Variants in UBE2Z observed in about 807,000 individuals in gnomAD.
UBE2Z encodes ubiquitin-conjugating enzyme E2 Z.
Under a neutral mutation model 32.6 loss-of-function variants are expected in UBE2Z, and 10 were observed. That is an observed-to-expected ratio of 0.31 (90% CI 0.19 to 0.52). The LOEUF (loss-of-function observed/expected upper bound fraction) is 0.52. Ranked by LOEUF, UBE2Z falls within the 20% of genes least tolerant of loss-of-function variation. UBE2Z has a pLI of 0.97. For synonymous variants in UBE2Z, 183 were observed against 190.8 expected, an observed-to-expected ratio of 0.96 and a Z score of 0.34; for missense variants, 343 against 480.9, an observed-to-expected ratio of 0.71 and a Z score of 2.68.
intron 1 of UBE2Z, among the ~76,000 whole-genome samples, chr17:48,909,926 A>T (rs1361725942): frequency 6.6e-6 from 1 of 152,178 alleles, no homozygotes; most frequent in Non-Finnish European, 1.5e-5. Flanking sequence ...CAGGAGGTCA[A>T]CTGTGGAGGG....
chr17:48,921,767 G>A (rs965503314), intron 5 of UBE2Z, among the ~76,000 whole-genome samples: 2 of 152,156 alleles, frequency 1.3e-5, no homozygotes, highest in East Asian at 1.9e-4. Flanking sequence ...GGTGGCTCAC[G>A]CCTGTAATCC....
chr17:48,923,055 C>A (rs1253286144), intron 6 of UBE2Z, 118 bp downstream of exon 6: 3 of 917,690 alleles, frequency 3.3e-6, no homozygotes, highest in Admixed American at 2.5e-5. Flanking sequence ...GGTTCAGTGG[C>A]TCATGCCTGT....
Position 48,908,441 on chromosome 17 carries a change from C to G in UBE2Z, c.-63C>G. ...CGGTTCTCGGTGGTGCGGGAGCGGG[C>G]GGGAGCAGCGGCCGCTCTGGTCGGC... is the stretch of plus-strand genomic sequence containing the variant. On this transcript the variant is annotated 5_prime_UTR_variant, in exon 1 of 7. Transcript: ENST00000360943. 8.3e-7 allele frequency: 1 copy of G among 1,204,746 alleles called. No individual in the cohort carries two copies. The highest frequency in any genetic ancestry group is 1.0e-6 in the Non-Finnish European group (1 of 966,584). The allele number at this position is 1,204,746 out of a possible 1,614,324, so 74.6% of individuals were successfully genotyped here. A position where few individuals can be genotyped will look rare whatever the true frequency, so the allele number is the denominator to read the frequency against.
At position 48,921,249 on chromosome 17, in the gene UBE2Z, G is replaced by A. The variant is rs772160344; in HGVS notation, c.780G>A (p.Lys260=). 1.9e-6 allele frequency: 3 copies of A among 1,612,498 alleles called. No homozygotes were observed. In the Admixed American group the frequency reaches 5.0e-5, roughly 27 times the overall value. ...RVAVCDMMEG[K]CPCPEPLRGV... ...CAGTCTGTGACATGATGGAAGGAAA[G>A]TGTCCCTGTCCTGAACCCCTACGGT... Residue 260 remains lysine (K), a synonymous_variant, in exon 5 of 7, where the codon AAG becomes AAA. Coordinates refer to ENST00000360943, the MANE Select transcript of UBE2Z (RefSeq NM_023079.5).
rs978106248 is a variant in UBE2Z at position 48,908,543 on chromosome 17, G to C, written c.40G>C (p.Ala14Pro). Residue 14 changes from alanine to proline, a missense_variant, in exon 1 of 7, where the codon GCC becomes CCC. Ala to Pro is a conservative substitution (Grantham distance 27, BLOSUM62 -1). This residue lies in a region of UBE2Z where 103 missense variants were observed against 96.2 expected (regional missense o/e 1.07). Transcript: ENST00000360943. ...GACTGAGGAGGCGGCAACGGCGGGC[G>C]CCGGGGCGGCGGGCCCCGGGGCGAG... ...SPTEEAATAG[A>P]GAAGPGASSV... The C allele has an allele frequency of 5.7e-6, 7 of 1,236,248 alleles. No individual in the cohort carries two copies. The African/African-American group carries it at 9.3e-5, about 16-fold the overall frequency. The allele number at this position is 1,236,248 out of a possible 1,614,324, so 76.6% of individuals were successfully genotyped here.
At chr17:48,910,715 C>T in intron 1 of UBE2Z, 93 bp from the exon 2 acceptor site, 1 of 946,396 alleles carries the variant, frequency 1.1e-6, no homozygotes, top group Non-Finnish European at 1.7e-6. Context: ...AAACCCTGGC[C>T]TCATTGAGGT....
At chr17:48,923,561 G>A (rs1291085257) in intron 6 of UBE2Z, among the ~76,000 whole-genome samples, 2 of 151,918 alleles carry the variant, frequency 1.3e-5, no homozygotes, top group African/African-American at 4.8e-5. Flanking sequence ...GAACCTGGGA[G>A]GCCGAGGTTG....
rs371253123 is a variant in UBE2Z, at chr17:48,916,258, G to GTTTTTTTTTTTTTT, written c.690+73_690+86dup. ...GTTTGTTTGGTTGGTTGGTTTTTTT[G>GTTTTTTTTTTTTTT]TTTTTTTTTTTTTTTGAGACAGAGT... is the stretch of plus-strand genomic sequence containing the variant. On this transcript the variant is annotated intron_variant, in intron 4 of 6. Coordinates refer to ENST00000360943, the MANE Select transcript of UBE2Z (RefSeq NM_023079.5). The GTTTTTTTTTTTTTT allele has an allele frequency of 6.7e-5, 28 of 418,974 alleles. 4 individuals are homozygous for GTTTTTTTTTTTTTT. Among genetic ancestry groups the GTTTTTTTTTTTTTT allele is most frequent in the Admixed American group, 1.2e-4 (2 of 17,288 alleles). 26.0% of individuals were successfully genotyped at this position (418,974 alleles called of 1,614,324 possible). A position where few individuals can be genotyped will look rare whatever the true frequency, so the allele number is the denominator to read the frequency against.
intron 4 of UBE2Z, 78 bp downstream of exon 4, chr17:48,916,265 T>TG (rs2040719427): frequency 2.9e-6 from 2 of 690,950 alleles, no homozygotes; most frequent in South Asian, 3.0e-5. Context: ...TTTGTTTTTT[T>TG]TTTTTTTTGA....
In UBE2Z at chr17:48,908,441, C is replaced by A; in HGVS notation, c.-63C>A. 8.3e-7 allele frequency: 1 copy of A among 1,204,744 alleles called. No homozygotes were observed. Among genetic ancestry groups the A allele is most frequent in the Non-Finnish European group, 1.0e-6 (1 of 966,584 alleles). 74.6% of individuals were successfully genotyped at this position (1,204,744 alleles called of 1,614,324 possible). On this transcript the variant is annotated 5_prime_UTR_variant, in exon 1 of 7. Coordinates refer to ENST00000360943, the MANE Select transcript of UBE2Z (RefSeq NM_023079.5). ...CGGTTCTCGGTGGTGCGGGAGCGGG[C>A]GGGAGCAGCGGCCGCTCTGGTCGGC...
At chr17:48,912,054 ATTT>A (rs34211200) in intron 2 of UBE2Z, 55,700 of 132,124 alleles carry the variant, frequency 0.42, 13,293 homozygotes, top group East Asian at 0.7. Flanking sequence ...AGGACGGCTG[ATTT>A]TTTTTTTTTT....
At chr17:48,920,387 T>G (rs912879158) in intron 4 of UBE2Z, among the ~76,000 whole-genome samples, 1 of 151,968 alleles carries the variant, frequency 6.6e-6, no homozygotes, top group Non-Finnish European at 1.5e-5. Flanking sequence ...TCCCAGCTAC[T>G]TGGAAGGCTT....
At chr17:48,923,031 C>T (rs1228583243) in intron 6 of UBE2Z, 94 bp downstream of exon 6, 1 of 1,188,560 alleles carries the variant, frequency 8.4e-7, no homozygotes, top group South Asian at 1.4e-5. Context: ...CATAGAATGA[C>T]ACAGCTAAGC....
chr17:48,922,225 A>G (rs958348778), intron 5 of UBE2Z, among the ~76,000 whole-genome samples: 2 of 151,984 alleles, frequency 1.3e-5, no homozygotes, highest in African/African-American at 4.8e-5. Flanking sequence ...CATCTTTACT[A>G]AAAATACAAA....
rs547016301 is a variant in UBE2Z, at chr17:48,924,298, G to T, written c.894+1361G>T. ...GCCCATAGTGTTTTGAAGCTAAGAT[G>T]CGTTCAGCCCTCCCAGAATCTTAGG... On this transcript the variant is annotated intron_variant, in intron 6 of 6. Transcript: ENST00000360943. Among the ~76,000 whole-genome samples, 29 of 152,270 alleles carry T rather than the reference G, an allele frequency of 1.9e-4. No homozygotes were observed. In the South Asian group the frequency reaches 5.8e-3, roughly 30 times the overall value.
intron 1 of UBE2Z, 23 bp from the exon 2 acceptor site, chr17:48,910,785 C>T (rs780820382): frequency 1.9e-6 from 3 of 1,588,070 alleles, no homozygotes; most frequent in Non-Finnish European, 1.7e-6. Context: ...CTCCTTCCCC[C>T]ACCTCCTCTT....
chr17:48,929,037 T>C lies in UBE2Z; in HGVS notation c.*1903T>C, dbSNP rs2040817927. Reference sequence around the variant, plus strand: ...TTTTTTGTTTTCCTTTTTGGTGCAATAAAGTTTGTTTTGGCAGAAGGAGGA... The same window carrying C: ...TTTTTTGTTTTCCTTTTTGGTGCAACAAAGTTTGTTTTGGCAGAAGGAGGA... On this transcript the variant is annotated 3_prime_UTR_variant, in exon 7 of 7. Transcript: ENST00000360943. The C allele has an allele frequency of 6.6e-6, 1 of 152,602 alleles. No individual in the cohort carries two copies. The highest frequency in any genetic ancestry group is 1.5e-5 in the Non-Finnish European group (1 of 68,058). The allele number at this position is 152,602 out of a possible 1,614,324, so 9.5% of individuals were successfully genotyped here. A position where few individuals can be genotyped will look rare whatever the true frequency, so the allele number is the denominator to read the frequency against.
chr17:48,921,412 G>C, intron 5 of UBE2Z, 140 bp downstream of exon 5: 1 of 683,976 alleles, frequency 1.5e-6, no homozygotes, highest in Non-Finnish European at 2.5e-6. Flanking sequence ...AGAACAAGTG[G>C]CTGAGGGTTA....
In UBE2Z at chr17:48,923,352, CA is replaced by C. The variant is rs1330345549; in HGVS notation, c.894+416del. 2.8e-5 allele frequency among the ~76,000 whole-genome samples: 4 copies of C among 143,202 alleles called. No individual in the cohort carries two copies. In the East Asian group the frequency reaches 8.3e-4, roughly 30 times the overall value. The allele number at this position is 143,202 out of a possible 152,430, so 93.9% of individuals were successfully genotyped here. ...AAAAAAAAAAAAAAAAAAAAATAGC[CA>C]GGCGCGGTGGCTCACGCCTGTAATC... On this transcript the variant is annotated intron_variant, in intron 6 of 6. Transcript: ENST00000360943.
Sources: gnomAD v4.1 joint callset for allele counts (sites outside exome capture counted in the v4.1 genomes callset) on GRCh38, gnomAD v4.1.1 for gene constraint, gnomAD v4.1.1 regional missense constraint, MANE v1.5 for transcripts, NCBI Gene and HGNC (gene_info 2026-07-23, HGNC 2026-07-21) for gene names.